ALOX5: variants seen among roughly 807,000 people sequenced by gnomAD.
The protein encoded by ALOX5 is arachidonate 5-lipoxygenase.
In ALOX5, 64 loss-of-function variants were observed where a neutral mutation model predicts 87.9. The ratio of observed to expected loss-of-function variants is 0.73; its 90% CI spans 0.60 to 0.90. The LOEUF (loss-of-function observed/expected upper bound fraction) is 0.90. ALOX5 is among the 40% of genes least tolerant of loss of function. The pLI, the probability that ALOX5 is intolerant of heterozygous loss-of-function variation, is 0.00. For synonymous variants in ALOX5, 388 were observed against 355.1 expected (o/e 1.09, Z -1.04); for missense variants, 822 against 907.5 (o/e 0.91, Z 1.21).
At chr10:45,393,674 C>G (rs1326930860) in intron 2 of ALOX5, among the ~76,000 whole-genome samples, 3 of 152,112 alleles carry the variant, frequency 2.0e-5, no homozygotes, top group Non-Finnish European at 4.4e-5. Context: ...GTCCCTGTTT[C>G]CAGATGACAT....
At chr10:45,390,159 C>A (rs980872776) in intron 2 of ALOX5, among the ~76,000 whole-genome samples, 22 of 152,214 alleles carry the variant, frequency 1.4e-4, no homozygotes, top group Non-Finnish European at 5.9e-5. Flanking sequence ...AACGTATATG[C>A]ACCCAATACA....
intron 2 of ALOX5, among the ~76,000 whole-genome samples, chr10:45,387,949 T>TG (rs776489947): frequency 6.6e-6 from 1 of 152,032 alleles, no homozygotes; most frequent in Non-Finnish European, 1.5e-5. Context: ...TGTTGGACAG[T>TG]GGGGGCAGAA....
At chr10:45,444,067 G>A in intron 12 of ALOX5, 49 bp from the exon 13 acceptor site, 2 of 1,493,910 alleles carry the variant, frequency 1.3e-6, no homozygotes, top group Non-Finnish European at 9.0e-7. Context: ...GGGCAGCTGG[G>A]CAGCAGGGCT....
intron 2 of ALOX5, among the ~76,000 whole-genome samples, chr10:45,390,947 A>G (rs1237419819): frequency 1.3e-5 from 2 of 151,500 alleles, no homozygotes; most frequent in Non-Finnish European, 2.9e-5. Flanking sequence ...ACTGCTAGCA[A>G]GACTAATAAA....
chr10:45,397,263 C>G (rs962699150), intron 3 of ALOX5, among the ~76,000 whole-genome samples: 1 of 152,094 alleles, frequency 6.6e-6, no homozygotes, highest in Non-Finnish European at 1.5e-5. Flanking sequence ...GCCTGTAGTC[C>G]CAGCTACTCA....
At chr10:45,377,525 C>T (rs926809926) in intron 1 of ALOX5, among the ~76,000 whole-genome samples, 2 of 152,078 alleles carry the variant, frequency 1.3e-5, no homozygotes, top group Non-Finnish European at 2.9e-5. Flanking sequence ...CCACATTTTC[C>T]CCCTTCTCTG....
At chr10:45,387,954 G>A (rs1183996502) in intron 2 of ALOX5, among the ~76,000 whole-genome samples, 1 of 152,172 alleles carries the variant, frequency 6.6e-6, no homozygotes, top group Non-Finnish European at 1.5e-5. Context: ...GACAGTGGGG[G>A]CAGAACAGTG....
chr10:45,391,335 T>A (rs1434087915), intron 2 of ALOX5, among the ~76,000 whole-genome samples: 9 of 145,332 alleles, frequency 6.2e-5, no homozygotes, highest in East Asian at 2.0e-4. Context: ...CCGCGAGTGA[T>A]CCGCCAGCCT....
chr10:45,438,922 C>G (rs1842138406), intron 7 of ALOX5, among the ~76,000 whole-genome samples: 1 of 152,172 alleles, frequency 6.6e-6, no homozygotes, highest in Admixed American at 6.5e-5. Context: ...GCTGAGGCTT[C>G]TGGGGTCTCT....
chr10:45,391,995 G>T (rs1006616294), intron 2 of ALOX5, among the ~76,000 whole-genome samples: 1 of 151,322 alleles, frequency 6.6e-6, no homozygotes, highest in Admixed American at 6.6e-5. Context: ...GGTGGGGGGC[G>T]GTCAGCCCCC....
At chr10:45,407,844 G>A (rs1464487509) in intron 3 of ALOX5, among the ~76,000 whole-genome samples, 4 of 152,116 alleles carry the variant, frequency 2.6e-5, no homozygotes, top group South Asian at 4.1e-4. Context: ...CGGTTCACTA[G>A]GAATTTCCTT....
At chr10:45,438,664 G>A (rs1842130596) in intron 7 of ALOX5, among the ~76,000 whole-genome samples, 1 of 152,200 alleles carries the variant, frequency 6.6e-6, no homozygotes. Flanking sequence ...AAACGGGTGT[G>A]GCAGTGGGGA....
At chr10:45,393,713 T>A (rs990375717) in intron 2 of ALOX5, among the ~76,000 whole-genome samples, 1 of 152,224 alleles carries the variant, frequency 6.6e-6, no homozygotes, top group Non-Finnish European at 1.5e-5. Flanking sequence ...CCCCATTGTC[T>A]CAGCCCAAAA....
At chr10:45,426,927 A>G (rs546679004) in intron 6 of ALOX5, among the ~76,000 whole-genome samples, 3 of 152,216 alleles carry the variant, frequency 2.0e-5, no homozygotes, top group South Asian at 2.1e-4. Flanking sequence ...CTGTTTCCCA[A>G]TGCTCCCAGC....
chr10:45,401,042 C>T (rs1175434703), intron 3 of ALOX5, among the ~76,000 whole-genome samples: 1 of 152,186 alleles, frequency 6.6e-6, no homozygotes, highest in Non-Finnish European at 1.5e-5. Flanking sequence ...TGTATCCAGC[C>T]TCTACAAGTG....
At chr10:45,394,637 G>T (rs948326268) in intron 2 of ALOX5, among the ~76,000 whole-genome samples, 1 of 152,142 alleles carries the variant, frequency 6.6e-6, no homozygotes, top group African/African-American at 2.4e-5. Flanking sequence ...CTTCTGCACA[G>T]CAAAAGAAAC....
At chr10:45,382,427 C>G in intron 1 of ALOX5, 56 bp from the exon 2 acceptor site, 2 of 1,599,658 alleles carry the variant, frequency 1.3e-6, no homozygotes, top group Non-Finnish European at 1.7e-6. Flanking sequence ...CTTAACACCT[C>G]CAGAACAAAG....
At chr10:45,377,193 T>C (rs1839647684) in intron 1 of ALOX5, among the ~76,000 whole-genome samples, 1 of 152,178 alleles carries the variant, frequency 6.6e-6, no homozygotes, top group Non-Finnish European at 1.5e-5. Flanking sequence ...TGAGTATTCT[T>C]ACATTCATGA....
intron 7 of ALOX5, among the ~76,000 whole-genome samples, chr10:45,431,741 T>G (rs1841909145): frequency 6.6e-6 from 1 of 151,734 alleles, no homozygotes; most frequent in Non-Finnish European, 1.5e-5. Flanking sequence ...CCCAGCTAAT[T>G]TTTTGTATTT....
Sources: allele counts gnomAD v4.1 joint callset (sites outside exome capture counted in the v4.1 genomes callset), GRCh38; gene constraint gnomAD v4.1.1; transcripts MANE v1.5; gene names NCBI Gene and HGNC (gene_info 2026-07-23, HGNC 2026-07-21).